HMGCLL1: variants seen among roughly 807,000 people sequenced by gnomAD.
HMGCLL1 encodes 3-hydroxymethyl-3-methylglutaryl-CoA lyase, cytoplasmic.
In HMGCLL1, 36 loss-of-function variants were observed where a neutral mutation model predicts 39.1. That is an observed-to-expected ratio of 0.92 (90% CI 0.71 to 1.22). The LOEUF (loss-of-function observed/expected upper bound fraction) is 1.22. Ranked by LOEUF, HMGCLL1 falls within the 50% of genes most tolerant of loss-of-function variation. The pLI, the probability that HMGCLL1 is intolerant of heterozygous loss-of-function variation, is 0.00. For missense variants in HMGCLL1, 451 were observed against 416.5 expected, an observed-to-expected ratio of 1.08 and a Z score of -0.72; for synonymous variants, 149 against 144.0, an observed-to-expected ratio of 1.03 and a Z score of -0.25.
chr6:55,614,751 G>A, the HMGCLL1 span, among the ~76,000 whole-genome samples: 253 of 152,060 alleles, frequency 1.7e-3, 2 homozygotes, highest in African/African-American at 5.9e-3. Context: ...TAACTTTCTA[G>A]CATTTAATCT....
intron 5 of HMGCLL1, among the ~76,000 whole-genome samples, chr6:55,507,106 A>G (rs1355174463): frequency 6.6e-6 from 1 of 151,718 alleles, no homozygotes; most frequent in Non-Finnish European, 1.5e-5. Flanking sequence ...GTAAGACTTC[A>G]GCAAGGGATC....
chr6:55,589,387 T>C, the HMGCLL1 span, among the ~76,000 whole-genome samples: 1 of 152,174 alleles, frequency 6.6e-6, no homozygotes, highest in Non-Finnish European at 1.5e-5. Context: ...AAATTAGGTA[T>C]TGATGGGATG....
intron 1 of HMGCLL1, among the ~76,000 whole-genome samples, chr6:55,568,480 TATTA>T (rs1357751170): frequency 5.3e-5 from 8 of 152,276 alleles, no homozygotes; most frequent in Admixed American, 4.6e-4. Context: ...AAGCTAAATA[TATTA>T]ATTAATAGTG....
At chr6:55,604,850 A>C in the HMGCLL1 span, among the ~76,000 whole-genome samples, 2 of 152,218 alleles carry the variant, frequency 1.3e-5, no homozygotes, top group Admixed American at 6.5e-5. Flanking sequence ...ATTACAGGGA[A>C]TATTGTAAGC....
In HMGCLL1 at chr6:55,492,631, A is replaced by G. The variant is rs765870066; in HGVS notation, c.795+2788T>C. 2.0e-5 allele frequency among the ~76,000 whole-genome samples: 3 copies of G among 152,242 alleles called. No individual in the cohort carries two copies. The South Asian group carries it at 6.2e-4, about 31-fold the overall frequency. On this transcript the variant is annotated intron_variant, in intron 7 of 8. Coordinates refer to ENST00000274901, the MANE Select transcript of HMGCLL1 (RefSeq NM_001042406.2). ...GATGGCGGAAAAGACAGAAAGCTCTACATCTCTGCTTTTTGAACATTTTCT... is the reference window on the plus strand; with the variant it reads ...GATGGCGGAAAAGACAGAAAGCTCTGCATCTCTGCTTTTTGAACATTTTCT...
At chr6:55,442,953 T>C (rs777785720) in intron 7 of HMGCLL1, among the ~76,000 whole-genome samples, 1 of 152,186 alleles carries the variant, frequency 6.6e-6, no homozygotes, top group Non-Finnish European at 1.5e-5. Flanking sequence ...TTAAAACTGA[T>C]CTATTCAGTG....
chr6:55,487,936 G>C (rs1458850309), intron 7 of HMGCLL1, among the ~76,000 whole-genome samples: 1 of 151,914 alleles, frequency 6.6e-6, no homozygotes, highest in African/African-American at 2.4e-5. Flanking sequence ...GCTCCTACTG[G>C]AAACTCTCCA....
rs2127375870 is a variant in HMGCLL1 at position 55,435,074 on chromosome 6, T to C, written c.*588A>G. 6.5e-6 allele frequency: 1 copy of C among 152,702 alleles called. No homozygotes were observed. The highest frequency in any genetic ancestry group is 2.4e-5 in the African/African-American group (1 of 41,584). 9.5% of individuals were successfully genotyped at this position (152,702 alleles called of 1,614,324 possible). On this transcript the variant is annotated 3_prime_UTR_variant, in exon 9 of 9. Transcript: ENST00000274901. ...TGGCATCTTGCCATTGGCCACAGCC[T>C]CTTGGAACCAGATAAAGTCACTGAA...
the HMGCLL1 span, among the ~76,000 whole-genome samples, chr6:55,584,874 T>C: frequency 5.3e-5 from 8 of 151,898 alleles, no homozygotes; most frequent in African/African-American, 1.9e-4. Context: ...TTGGTGAGCA[T>C]TACAAGAGTG....
intron 4 of HMGCLL1, among the ~76,000 whole-genome samples, chr6:55,514,715 C>G (rs184230489): frequency 6.6e-6 from 1 of 152,094 alleles, no homozygotes; most frequent in Non-Finnish European, 1.5e-5. Context: ...TGTATCCTGA[C>G]TTCTACAGCC....
the HMGCLL1 span, among the ~76,000 whole-genome samples, chr6:55,669,744 A>C: frequency 2.0e-5 from 3 of 151,972 alleles, no homozygotes; most frequent in African/African-American, 7.2e-5. Context: ...AAAAAGCAGA[A>C]TGAAAACGAC....
At chr6:55,658,665 G>C in the HMGCLL1 span, among the ~76,000 whole-genome samples, 2 of 151,902 alleles carry the variant, frequency 1.3e-5, no homozygotes, top group South Asian at 4.1e-4. Flanking sequence ...GTGTAACATG[G>C]TATATAGCTA....
At chr6:55,477,030 A>C (rs1179549424) in intron 7 of HMGCLL1, among the ~76,000 whole-genome samples, 1 of 127,532 alleles carries the variant, frequency 7.8e-6, no homozygotes, top group Non-Finnish European at 1.6e-5. Context: ...GTATATACCC[A>C]GTAATGGGAT....
chr6:55,479,256 C>A (rs991418912), intron 7 of HMGCLL1, among the ~76,000 whole-genome samples: 18 of 151,656 alleles, frequency 1.2e-4, no homozygotes, highest in African/African-American at 4.4e-4. Context: ...AACTGTCAGG[C>A]AGTCTAGTAT....
At chr6:55,494,566 G>C (rs1391572340) in intron 7 of HMGCLL1, among the ~76,000 whole-genome samples, 2 of 152,084 alleles carry the variant, frequency 1.3e-5, no homozygotes, top group African/African-American at 4.8e-5. Context: ...GTCAAAATAA[G>C]CCCTTGTGGA....
At chr6:55,451,630 T>C (rs1329415447) in intron 7 of HMGCLL1, among the ~76,000 whole-genome samples, 1 of 152,160 alleles carries the variant, frequency 6.6e-6, no homozygotes, top group Non-Finnish European at 1.5e-5. Flanking sequence ...TAGTGATGTA[T>C]ATAGAACTTA....
intron 7 of HMGCLL1, among the ~76,000 whole-genome samples, chr6:55,484,825 T>C (rs865794513): frequency 6.6e-6 from 1 of 152,306 alleles, no homozygotes; most frequent in Middle Eastern, 3.4e-3. Flanking sequence ...TAATTCTTAT[T>C]TGCCCCTCCT....
At chr6:55,586,766 T>C in the HMGCLL1 span, among the ~76,000 whole-genome samples, 1 of 152,088 alleles carries the variant, frequency 6.6e-6, no homozygotes, top group Admixed American at 6.6e-5. Flanking sequence ...TGGTGGTGTA[T>C]ATGTGCCACA....
At chr6:55,604,076 A>T in the HMGCLL1 span, among the ~76,000 whole-genome samples, 1 of 152,214 alleles carries the variant, frequency 6.6e-6, no homozygotes, top group African/African-American at 2.4e-5. Context: ...TTTCAGCCAA[A>T]ATTTTCCTTC....
Sources: gnomAD v4.1 joint callset for allele counts (sites outside exome capture counted in the v4.1 genomes callset) on GRCh38, gnomAD v4.1.1 for gene constraint, MANE v1.5 for transcripts, NCBI Gene and HGNC (gene_info 2026-07-23, HGNC 2026-07-21) for gene names.